ZMYND8: variants seen among roughly 807,000 people sequenced by gnomAD.
ZMYND8 encodes MYND-type zinc finger-containing chromatin reader ZMYND8.
In ZMYND8, 37 loss-of-function variants were observed where a neutral mutation model predicts 140.8. The ratio of observed to expected loss-of-function variants is 0.26; its 90% confidence interval spans 0.20 to 0.35. The LOEUF is 0.35. ZMYND8 is among the 10% of genes least tolerant of loss of function. The pLI is 1.00. For missense variants in ZMYND8, 1,068 were observed against 1,570.0 expected (o/e 0.68, Z 5.40); for synonymous variants, 592 against 597.1 (o/e 0.99, Z 0.12).
At chr20:47,330,650 C>T (rs529390046) in intron 2 of ZMYND8, among the ~76,000 whole-genome samples, 2 of 152,178 alleles carry the variant, frequency 1.3e-5, no homozygotes, top group South Asian at 2.1e-4. Context: ...AGTACTATGT[C>T]CCTAGAGGGA....
At chr20:47,344,957 A>AG (rs1184513261) in intron 2 of ZMYND8, among the ~76,000 whole-genome samples, 1 of 152,058 alleles carries the variant, frequency 6.6e-6, no homozygotes, top group East Asian at 1.9e-4. Context: ...TACAAAAAAA[A>AG]AATTTTTTTA....
At chr20:47,276,214 G>A (rs1012075142) in intron 11 of ZMYND8, 100 bp downstream of exon 11, 11 of 1,405,734 alleles carry the variant, frequency 7.8e-6, no homozygotes, top group African/African-American at 2.8e-5. Context: ...AGTTCCCCAC[G>A]ATTGCTTGAT....
At chr20:47,352,218 T>C (rs2082845729) in intron 1 of ZMYND8, among the ~76,000 whole-genome samples, 1 of 152,130 alleles carries the variant, frequency 6.6e-6, no homozygotes, top group Non-Finnish European at 1.5e-5. Context: ...AAACCAGCTT[T>C]GCATCCATAC....
intron 19 of ZMYND8, 25 bp downstream of exon 19, chr20:47,224,291 CG>C: frequency 6.2e-7 from 1 of 1,612,790 alleles, no homozygotes; most frequent in Non-Finnish European, 8.5e-7. Context: ...CAGCCCAGGA[CG>C]GGAGGCAGCC....
intron 21 of ZMYND8, 36 bp from the exon 22 acceptor site, chr20:47,212,761 A>G (rs2146766252): frequency 4.5e-6 from 7 of 1,563,212 alleles, no homozygotes; most frequent in Non-Finnish European, 4.4e-6. Context: ...AGAGTCTGTC[A>G]GAGAGCTGGA....
intron 21 of ZMYND8, among the ~76,000 whole-genome samples, chr20:47,214,683 C>T (rs950264916): frequency 3.3e-5 from 5 of 152,070 alleles, no homozygotes; most frequent in South Asian, 2.1e-4. Flanking sequence ...TTAGTAGAGA[C>T]GGGGTTTCAC....
chr20:47,328,509 G>T (rs575500998), intron 2 of ZMYND8, among the ~76,000 whole-genome samples: 1 of 152,032 alleles, frequency 6.6e-6, no homozygotes, highest in East Asian at 1.9e-4. Context: ...TGTTGTCCAA[G>T]CTGGAGTGCA....
chr20:47,297,512 T>C (rs1453080277), intron 4 of ZMYND8, among the ~76,000 whole-genome samples: 10 of 152,024 alleles, frequency 6.6e-5, no homozygotes, highest in Non-Finnish European at 1.5e-5. Context: ...GCCTCAACCA[T>C]CTCGGCTCAA....
chr20:47,276,459 G>A lies in ZMYND8; in HGVS notation c.1335C>T (p.Ser445=). 6.2e-7 allele frequency: 1 copy of A among 1,614,108 alleles called. No homozygotes were observed. Among genetic ancestry groups the A allele is most frequent in the South Asian group, 1.1e-5 (1 of 91,082 alleles). ...TGGGGGAGCGCGGCATATCCGACAA[G>A]GAAATCCGGCGGCCTGTGCCCCCAC... ...VLSGGTGRRI[S]LSDMPRSPMS... The change falls in exon 11 of 23, where the codon TCC becomes TCT. Residue 445 remains serine, a synonymous_variant. Transcript: ENST00000471951.
At chr20:47,291,251 T>C (rs940132729) in intron 6 of ZMYND8, among the ~76,000 whole-genome samples, 4 of 152,192 alleles carry the variant, frequency 2.6e-5, no homozygotes, top group Admixed American at 6.5e-5. Context: ...CTGCAAATAG[T>C]TGGAAAATCA....
intron 5 of ZMYND8, among the ~76,000 whole-genome samples, chr20:47,292,895 T>A (rs1451489761): frequency 2.6e-5 from 4 of 151,172 alleles, no homozygotes; most frequent in Non-Finnish European, 4.4e-5. Context: ...TTACAAAAAA[T>A]AATAATAATA....
At chr20:47,270,317 G>A (rs2075832977) in intron 11 of ZMYND8, among the ~76,000 whole-genome samples, 1 of 139,874 alleles carries the variant, frequency 7.1e-6, no homozygotes, top group Non-Finnish European at 1.5e-5. Flanking sequence ...AGTTTACAGT[G>A]AGCCAAGATC....
intron 1 of ZMYND8, chr20:47,349,036 G>A (rs942393605): frequency 1.3e-5 from 2 of 152,174 alleles, no homozygotes; most frequent in African/African-American, 2.4e-5. Context: ...CTGGGGAAGA[G>A]AGAATGTCCT....
intron 19 of ZMYND8, among the ~76,000 whole-genome samples, chr20:47,223,931 T>C (rs565226422): frequency 1.3e-5 from 2 of 152,172 alleles, no homozygotes; most frequent in South Asian, 4.1e-4. Flanking sequence ...ATTACAAATA[T>C]TACAGCAGTG....
chr20:47,303,361 G>A (rs970520213), intron 3 of ZMYND8, among the ~76,000 whole-genome samples: 2 of 152,130 alleles, frequency 1.3e-5, no homozygotes, highest in Non-Finnish European at 1.5e-5. Context: ...ACAGTCAGCC[G>A]TATTTTCAGT....
chr20:47,349,930 G>GAAC (rs1168719753), intron 1 of ZMYND8: 14 of 1,535,314 alleles, frequency 9.1e-6, no homozygotes, highest in Admixed American at 2.0e-5. Flanking sequence ...GCATTCAAGG[G>GAAC]AACCATTATT....
chr20:47,303,733 G>A (rs1222534910), intron 3 of ZMYND8, among the ~76,000 whole-genome samples: 1 of 151,882 alleles, frequency 6.6e-6, no homozygotes, highest in Non-Finnish European at 1.5e-5. Context: ...AAATATGACT[G>A]TACATCTCCC....
intron 12 of ZMYND8, among the ~76,000 whole-genome samples, chr20:47,251,367 C>A (rs560278969): frequency 6.6e-6 from 1 of 152,186 alleles, no homozygotes; most frequent in Admixed American, 6.5e-5. Context: ...AGGAGGATTG[C>A]TTGAGGCCAG....
At chr20:47,271,801 C>T (rs977143746) in intron 11 of ZMYND8, among the ~76,000 whole-genome samples, 1 of 152,134 alleles carries the variant, frequency 6.6e-6, no homozygotes, top group Non-Finnish European at 1.5e-5. Flanking sequence ...CCTGCCTCAG[C>T]CTCCTGTGTA....
Sources: allele counts gnomAD v4.1 joint callset (sites outside exome capture counted in the v4.1 genomes callset), GRCh38; gene constraint gnomAD v4.1.1; transcripts MANE v1.5; gene names NCBI Gene and HGNC (gene_info 2026-07-23, HGNC 2026-07-21).